The following MPPED2 variants were observed in gnomAD, a reference collection of about 807,000 sequenced individuals.
The protein encoded by MPPED2 is metallophosphoesterase MPPED2.
A neutral mutation model predicts 33.0 loss-of-function variants in MPPED2; 5 were observed. The observed-to-expected ratio is 0.15, with a 90% CI of 0.08 to 0.32. MPPED2 has a LOEUF of 0.32. MPPED2 is among the 10% of genes least tolerant of loss of function. The pLI, the probability that MPPED2 is intolerant of heterozygous loss-of-function variation, is 1.00. For synonymous variants in MPPED2, 136 were observed against 141.9 expected (o/e 0.96, Z 0.29); for missense variants, 275 against 372.1 (o/e 0.74, Z 2.15).
intron 6 of MPPED2, among the ~76,000 whole-genome samples, chr11:30,403,036 G>T (rs1366715026): frequency 6.6e-6 from 1 of 152,160 alleles, no homozygotes; most frequent in East Asian, 1.9e-4. Flanking sequence ...ACAAGGTCAG[G>T]AGATCGAGAC....
intron 4 of MPPED2, among the ~76,000 whole-genome samples, chr11:30,438,321 G>T (rs1040676816): frequency 7.2e-5 from 11 of 152,112 alleles, no homozygotes; most frequent in Non-Finnish European, 1.2e-4. Context: ...TTTCACATTT[G>T]TCCTCTAGTT....
intron 2 of MPPED2, among the ~76,000 whole-genome samples, chr11:30,567,494 C>A (rs1956497513): frequency 6.6e-6 from 1 of 151,974 alleles, no homozygotes; most frequent in Non-Finnish European, 1.5e-5. Context: ...TCAGGGGGTG[C>A]TTTTTTTCCA....
intron 4 of MPPED2, among the ~76,000 whole-genome samples, chr11:30,433,001 T>C (rs546194818): frequency 5.9e-5 from 9 of 152,342 alleles, no homozygotes; most frequent in Non-Finnish European, 7.3e-5. Context: ...ATGTTTCTCC[T>C]TGCACTGTTC....
At chr11:30,542,161 C>T (rs148954446) in intron 2 of MPPED2, among the ~76,000 whole-genome samples, 1 of 152,296 alleles carries the variant, frequency 6.6e-6, no homozygotes, top group East Asian at 1.9e-4. Flanking sequence ...GGATCATCTT[C>T]ATGGCCTTTG....
intron 3 of MPPED2, among the ~76,000 whole-genome samples, chr11:30,526,308 A>G (rs1290827424): frequency 2.0e-5 from 3 of 152,158 alleles, no homozygotes; most frequent in Non-Finnish European, 4.4e-5. Context: ...CACGACAAGG[A>G]CAACAATGAT....
intron 2 of MPPED2, among the ~76,000 whole-genome samples, chr11:30,543,361 G>A (rs11031128): frequency 0.18 from 26,958 of 152,096 alleles, 3,007 homozygotes; most frequent in Non-Finnish European, 0.25. Flanking sequence ...TCATCAATCA[G>A]CTGTGTGACC....
chr11:30,391,081 C>T (rs1003858337), intron 6 of MPPED2, among the ~76,000 whole-genome samples: 7 of 152,136 alleles, frequency 4.6e-5, no homozygotes, highest in African/African-American at 1.7e-4. Flanking sequence ...CATTAAACAA[C>T]GTACCACAAC....
chr11:30,411,181 A>G lies in MPPED2; in HGVS notation c.*287T>C. ...TAAAATAAGACTTTTATCACTTTTTAAAAGAAAGCTTGGCTGTCCTTTGGC... is the reference window on the plus strand; with the variant it reads ...TAAAATAAGACTTTTATCACTTTTTGAAAGAAAGCTTGGCTGTCCTTTGGC... On this transcript the variant is annotated 3_prime_UTR_variant, in exon 7 of 7. Coordinates refer to ENST00000358117, the MANE Select transcript of MPPED2 (RefSeq NM_001584.3). 9.5e-7 allele frequency: 1 copy of G among 1,053,306 alleles called. No homozygotes were observed. The highest frequency in any genetic ancestry group is 1.1e-6 in the Non-Finnish European group (1 of 873,578). 65.2% of individuals were successfully genotyped at this position (1,053,306 alleles called of 1,614,324 possible).
At chr11:30,581,680 T>C (rs181610748) in intron 1 of MPPED2, among the ~76,000 whole-genome samples, 3 of 152,370 alleles carry the variant, frequency 2.0e-5, no homozygotes, top group African/African-American at 7.2e-5. Context: ...GCAGATGGCC[T>C]GCCATAGGCC....
At chr11:30,569,200 G>A (rs1956584943) in intron 2 of MPPED2, among the ~76,000 whole-genome samples, 2 of 152,000 alleles carry the variant, frequency 1.3e-5, no homozygotes, top group Admixed American at 1.3e-4. Flanking sequence ...CACCACCGAG[G>A]GGCACAACGT....
At chr11:30,405,002 G>A (rs572939771) in intron 6 of MPPED2, among the ~76,000 whole-genome samples, 6 of 152,240 alleles carry the variant, frequency 3.9e-5, no homozygotes, top group East Asian at 1.9e-4. Flanking sequence ...CAATCAGAAC[G>A]TGGCACAGCT....
intron 4 of MPPED2, among the ~76,000 whole-genome samples, chr11:30,485,471 A>ATTTACACATGTTACACAT: frequency 8.6e-5 from 13 of 151,866 alleles, no homozygotes; most frequent in South Asian, 2.1e-4. Context: ...CATGTGTAAC[A>ATTTACACATGTTACACAT]AGGTAAATAA....
intron 4 of MPPED2, among the ~76,000 whole-genome samples, chr11:30,481,997 G>A (rs1442926728): frequency 6.6e-6 from 1 of 151,950 alleles, no homozygotes; most frequent in Non-Finnish European, 1.5e-5. Context: ...ACACACACCC[G>A]GATCATATAC....
At chr11:30,560,779 A>T (rs1181984794) in intron 2 of MPPED2, among the ~76,000 whole-genome samples, 2 of 152,216 alleles carry the variant, frequency 1.3e-5, no homozygotes, top group Non-Finnish European at 2.9e-5. Flanking sequence ...TGCTGATTAC[A>T]TTTAAAACAA....
intron 2 of MPPED2, among the ~76,000 whole-genome samples, chr11:30,541,725 T>C (rs1334694643): frequency 6.6e-6 from 1 of 152,182 alleles, no homozygotes; most frequent in Non-Finnish European, 1.5e-5. Flanking sequence ...CTCAAGTAAC[T>C]ACGACTACAG....
chr11:30,436,990 C>G (rs1486430606), intron 4 of MPPED2, among the ~76,000 whole-genome samples: 1 of 152,182 alleles, frequency 6.6e-6, no homozygotes, highest in Non-Finnish European at 1.5e-5. Flanking sequence ...CTGTCACCTC[C>G]CTGAAACTGC....
intron 2 of MPPED2, among the ~76,000 whole-genome samples, chr11:30,537,934 G>A (rs979445125): frequency 3.3e-5 from 5 of 151,816 alleles, no homozygotes; most frequent in Admixed American, 1.3e-4. Context: ...CTGAGACTTG[G>A]TTACACTCAG....
chr11:30,528,401 ACACACCAC>A (rs1405426431), intron 3 of MPPED2, among the ~76,000 whole-genome samples: 1 of 152,028 alleles, frequency 6.6e-6, no homozygotes, highest in Non-Finnish European at 1.5e-5. Flanking sequence ...AGCTATAGGC[ACACACCAC>A]CACACCTGAC....
At chr11:30,542,921 G>C (rs758093317) in intron 2 of MPPED2, among the ~76,000 whole-genome samples, 1 of 152,072 alleles carries the variant, frequency 6.6e-6, no homozygotes, top group Non-Finnish European at 1.5e-5. Context: ...CAAAATACTG[G>C]CAAATCAGTC....
Sources: gnomAD v4.1 joint callset for allele counts (sites outside exome capture counted in the v4.1 genomes callset) on GRCh38, gnomAD v4.1.1 for gene constraint, MANE v1.5 for transcripts, NCBI Gene and HGNC (gene_info 2026-07-23, HGNC 2026-07-21) for gene names.